The following RYR3 variants were observed in gnomAD, a reference collection of about 807,000 sequenced individuals.
RYR3 encodes brain ryanodine receptor-calcium release channel.
Under a neutral mutation model 584.3 loss-of-function variants are expected in RYR3, and 207 were observed. That is an observed-to-expected ratio of 0.35 (90% CI 0.32 to 0.40). The LOEUF (loss-of-function observed/expected upper bound fraction) is 0.40, where lower values mean the gene tolerates loss of function less well. Among genes scored for constraint, RYR3 ranks in the 10% least tolerant of loss-of-function variants. RYR3 has a pLI of 1.00. For synonymous variants in RYR3, 2,416 were observed against 2,248.5 expected, an observed-to-expected ratio of 1.07 and a Z score of -2.11; for missense variants, 5,616 against 6,089.2, an observed-to-expected ratio of 0.92 and a Z score of 2.59.
chr15:33,800,727 T>C, intron 67 of RYR3, 43 bp from the exon 68 acceptor site: 1 of 1,367,830 alleles, frequency 7.3e-7, no homozygotes, highest in South Asian at 1.2e-5. Flanking sequence ...TATTTTAATC[T>C]CTACTGAATT....
At chr15:33,662,080 GGC>G in intron 34 of RYR3, 71 bp from the exon 35 acceptor site, 4 of 1,314,460 alleles carry the variant, frequency 3.0e-6, no homozygotes, top group Non-Finnish European at 4.1e-6. Flanking sequence ...GCCTTTGTTG[GGC>G]TGGATGAAAT....
intron 64 of RYR3, among the ~76,000 whole-genome samples, chr15:33,777,881 G>C (rs971753903): frequency 6.6e-6 from 1 of 152,052 alleles, no homozygotes; most frequent in Non-Finnish European, 1.5e-5. Context: ...TGTAAAATTT[G>C]CTGTCAGGCA....
chr15:33,410,264 G>A (rs1354701599), intron 1 of RYR3, among the ~76,000 whole-genome samples: 3 of 152,148 alleles, frequency 2.0e-5, no homozygotes, highest in African/African-American at 4.8e-5. Context: ...TGCTCCTCAT[G>A]TATTTTTAAA....
intron 1 of RYR3, among the ~76,000 whole-genome samples, chr15:33,464,465 T>TATATATATATATATATATATATATACAC (rs1567295145): frequency 3.0e-5 from 2 of 67,470 alleles, no homozygotes; most frequent in Non-Finnish European, 5.2e-5. Context: ...GAGGTGGAGA[T>TATATATATATATATATATATATATACAC]ATATATATAT....
At chr15:33,743,034 T>C (rs1282286577) in intron 52 of RYR3, among the ~76,000 whole-genome samples, 4 of 152,086 alleles carry the variant, frequency 2.6e-5, no homozygotes, top group Non-Finnish European at 5.9e-5. Flanking sequence ...GCAGGCAAAG[T>C]GGGAAGACTG....
At chr15:33,559,021 T>C (rs1419679180) in intron 10 of RYR3, among the ~76,000 whole-genome samples, 1 of 152,078 alleles carries the variant, frequency 6.6e-6, no homozygotes, top group Non-Finnish European at 1.5e-5. Context: ...CTCTGGAGCA[T>C]GGGAGTTGCT....
intron 45 of RYR3, 30 bp from the exon 46 acceptor site, chr15:33,726,356 T>C (rs369711215): frequency 7.0e-5 from 113 of 1,611,594 alleles, no homozygotes; most frequent in Non-Finnish European, 9.2e-5. Flanking sequence ...ACCTCACTTA[T>C]CTAATGTCAT....
chr15:33,482,474 C>T (rs184759926), intron 2 of RYR3, among the ~76,000 whole-genome samples: 28 of 152,248 alleles, frequency 1.8e-4, no homozygotes, highest in Admixed American at 1.5e-3. Flanking sequence ...GGCTGGAGGG[C>T]AATGGCGCCA....
At position 33,663,816 on chromosome 15, in the gene RYR3, A is replaced by G. The variant is rs879530306; in HGVS notation, c.5619+79A>G. ...ATGGAACAGGGCACATGAAACCTCT[A>G]TGGTCTCTGGGGCAGCCTCAAGAGC... On this transcript the variant is annotated intron_variant, in intron 36 of 103. Coordinates refer to ENST00000634891, the MANE Select transcript of RYR3 (RefSeq NM_001036.6). 76 of 1,269,046 alleles carry G rather than the reference A, an allele frequency of 6.0e-5. 1 individual carries two copies. The Admixed American group carries it at 1.1e-3, about 19-fold the overall frequency. The allele number at this position is 1,269,046 out of a possible 1,614,324, so 78.6% of individuals were successfully genotyped here. A position where few individuals can be genotyped will look rare whatever the true frequency, so the allele number is the denominator to read the frequency against.
At chr15:33,765,472 A>G (rs2072939320) in intron 60 of RYR3, among the ~76,000 whole-genome samples, 1 of 151,988 alleles carries the variant, frequency 6.6e-6, no homozygotes. Context: ...GTCTCTACTA[A>G]AAATACAAAA....
In RYR3 at chr15:33,430,685, A is replaced by G. The variant is rs114000676; in HGVS notation, c.52-42734A>G. On this transcript the variant is annotated intron_variant, in intron 1 of 103. Transcript: ENST00000634891. ...TGTTAAGATGTTATCTTCAGTTTCT[A>G]TAAGGAACAAAACATTCTTCTGACT... Among the ~76,000 whole-genome samples, 835 of 152,324 alleles carry G rather than the reference A, an allele frequency of 5.5e-3. 8 individuals carry two copies. Among genetic ancestry groups the G allele is most frequent in the African/African-American group, 0.019 (794 of 41,564 alleles).
At chr15:33,827,634 C>T (rs1596848053) in intron 85 of RYR3, among the ~76,000 whole-genome samples, 2 of 152,156 alleles carry the variant, frequency 1.3e-5, no homozygotes, top group African/African-American at 4.8e-5. Flanking sequence ...GAAAAAAAGA[C>T]TTACACGAGA....
chr15:33,647,988 CA>C (rs3085194), intron 30 of RYR3, among the ~76,000 whole-genome samples: 30,296 of 97,978 alleles, frequency 0.31, 2,300 homozygotes, highest in Non-Finnish European at 0.36. Context: ...TAGCATCTGG[CA>C]AAAAAAAAAA....
intron 1 of RYR3, among the ~76,000 whole-genome samples, chr15:33,427,567 CT>C (rs144062602): frequency 0.02 from 3,009 of 152,234 alleles, 50 homozygotes; most frequent in Non-Finnish European, 0.026. Flanking sequence ...TTGAAAAATA[CT>C]TTTTGGGATG....
chr15:33,615,446 T>G (rs919467193), intron 19 of RYR3, among the ~76,000 whole-genome samples: 12 of 152,234 alleles, frequency 7.9e-5, no homozygotes, highest in African/African-American at 2.4e-4. Flanking sequence ...GTACTCAACC[T>G]TTGGAATTTG....
intron 69 of RYR3, among the ~76,000 whole-genome samples, chr15:33,806,788 C>T (rs2076234739): frequency 6.6e-6 from 1 of 150,422 alleles, no homozygotes; most frequent in African/African-American, 2.5e-5. Context: ...GGGTGTCCCT[C>T]TGTTGCCCAG....
rs751440160 is a variant in RYR3 at position 33,581,536 on chromosome 15, T to C, written c.1466T>C (p.Ile489Thr). The change falls in exon 14 of 104, where the codon ATT becomes ACT. Residue 489 changes from isoleucine to threonine, a missense_variant. Ile to Thr is a moderately conservative substitution (Grantham distance 89). This residue lies in a region of RYR3 where 1,284 missense variants were observed against 1,344.6 expected (regional missense o/e 0.95). Transcript: ENST00000634891. The part of the protein sequence containing the change: ...EGMLALVLNC[I>T]DRLNVYNSVA... ...ATGTTGGCCCTTGTCTTAAATTGCA[T>C]TGACCGCTTAAATGTCTACAATAGC... is the stretch of plus-strand genomic sequence containing the variant. 10 of 1,613,646 alleles carry C rather than the reference T, an allele frequency of 6.2e-6. No individual in the cohort carries two copies. In the South Asian group the frequency reaches 6.6e-5, roughly 11 times the overall value.
chr15:33,731,470 C>T lies in RYR3; in HGVS notation c.7204-4C>T, dbSNP rs778988008. 1 of 1,604,578 alleles carries T rather than the reference C, an allele frequency of 6.2e-7. No homozygotes were observed. The highest frequency in any genetic ancestry group is 1.7e-5 in the Admixed American group (1 of 58,880). On this transcript the variant is annotated splice_region_variant and splice_polypyrimidine_tract_variant and intron_variant, in intron 47 of 103. Transcript: ENST00000634891. ...TAACCTGTGTCCCAATCTTCTTTCTCTAGGTTTCCCTAAGCACCACAGAGG... is the reference window on the plus strand; with the variant it reads ...TAACCTGTGTCCCAATCTTCTTTCTTTAGGTTTCCCTAAGCACCACAGAGG...
chr15:33,858,444 T>C (rs1409724646), intron 99 of RYR3, among the ~76,000 whole-genome samples: 1 of 152,084 alleles, frequency 6.6e-6, no homozygotes, highest in Non-Finnish European at 1.5e-5. Context: ...CGACCTCAGG[T>C]GATCTGCCCA....
Sources: allele counts gnomAD v4.1 joint callset (sites outside exome capture counted in the v4.1 genomes callset), GRCh38; gene constraint gnomAD v4.1.1; regional missense constraint gnomAD v4.1.1; transcripts MANE v1.5; gene names NCBI Gene and HGNC (gene_info 2026-07-23, HGNC 2026-07-21).